Variants in CNTNAP5 observed in about 807,000 individuals in gnomAD.
CNTNAP5 encodes contactin associated protein family member 5.
A neutral mutation model predicts 150.2 loss-of-function variants in CNTNAP5; 72 were observed. The observed-to-expected ratio is 0.48, with a 90% confidence interval of 0.40 to 0.58. The LOEUF (loss-of-function observed/expected upper bound fraction) is 0.58. Among genes scored for constraint, CNTNAP5 ranks in the 20% least tolerant of loss-of-function variants. The probability of loss-of-function intolerance (pLI) is 0.00; values close to 1 mark genes in which losing one functional copy is unlikely to be tolerated. For synonymous variants in CNTNAP5, 672 were observed against 619.8 expected, an observed-to-expected ratio of 1.08 and a Z score of -1.25; for missense variants, 1,636 against 1,626.2, an observed-to-expected ratio of 1.01 and a Z score of -0.10.
intron 6 of CNTNAP5, among the ~76,000 whole-genome samples, chr2:124,453,714 T>C (rs990392318): frequency 3.9e-5 from 6 of 152,198 alleles, no homozygotes; most frequent in African/African-American, 1.2e-4. Flanking sequence ...CTAGAAGGGA[T>C]TGGGGCCTTA....
In CNTNAP5 at chr2:124,524,435, A is replaced by G; in HGVS notation, c.1460A>G (p.Asn487Ser). ...DSTWVQIYSG[N>S]SYYFGGCPDN... ...ACTTGGGTGCAGATTTATTCTGGAA[A>G]TAGCTACTATTTTGGAGGTAAATTC... is the stretch of plus-strand genomic sequence containing the variant. The change falls in exon 9 of 24, where the codon AAT (asparagine) becomes AGT (serine). Residue 487 changes from asparagine to serine, a missense_variant. Transcript: ENST00000682447. The G allele has an allele frequency of 6.2e-7, 1 of 1,612,440 alleles. No individual in the cohort carries two copies. Among genetic ancestry groups the G allele is most frequent in the South Asian group, 1.1e-5 (1 of 90,910 alleles).
chr2:124,523,951 C>T (rs918063178), intron 8 of CNTNAP5, among the ~76,000 whole-genome samples: 3 of 143,772 alleles, frequency 2.1e-5, no homozygotes, highest in African/African-American at 4.9e-5. Flanking sequence ...ATTTTGAGTT[C>T]GTTTATTTTT....
At chr2:124,789,587 G>C (rs76321928) in intron 17 of CNTNAP5, among the ~76,000 whole-genome samples, 5,012 of 152,082 alleles carry the variant, frequency 0.033, 273 homozygotes, top group African/African-American at 0.12. Context: ...CCCAGTGTCT[G>C]TTGCTCCCCT....
At chr2:124,327,212 C>T (rs1352692625) in intron 3 of CNTNAP5, among the ~76,000 whole-genome samples, 2 of 151,858 alleles carry the variant, frequency 1.3e-5, no homozygotes, top group African/African-American at 4.8e-5. Context: ...GATCTCCTGA[C>T]CTTGTGATCT....
chr2:124,590,968 C>T (rs1223017977), intron 11 of CNTNAP5, among the ~76,000 whole-genome samples: 1 of 152,088 alleles, frequency 6.6e-6, no homozygotes, highest in Non-Finnish European at 1.5e-5. Flanking sequence ...AAATTAGCTG[C>T]CAGAACTATA....
intron 21 of CNTNAP5, among the ~76,000 whole-genome samples, chr2:124,885,940 G>A (rs1438707979): frequency 6.6e-6 from 1 of 151,886 alleles, no homozygotes; most frequent in African/African-American, 2.4e-5. Flanking sequence ...GTGTATATAT[G>A]TATTTATTTA....
chr2:124,133,235 G>A (rs955651404), intron 1 of CNTNAP5, among the ~76,000 whole-genome samples: 24 of 151,856 alleles, frequency 1.6e-4, no homozygotes, highest in African/African-American at 5.6e-4. Context: ...TTTCCATTCC[G>A]CTCCATAGCT....
At chr2:124,632,070 G>A (rs1677872195) in intron 12 of CNTNAP5, among the ~76,000 whole-genome samples, 1 of 151,970 alleles carries the variant, frequency 6.6e-6, no homozygotes, top group Admixed American at 6.6e-5. Flanking sequence ...TGGCGAGGTT[G>A]CAGAGAAATA....
intron 1 of CNTNAP5, among the ~76,000 whole-genome samples, chr2:124,048,448 G>C (rs2104639913): frequency 6.6e-6 from 1 of 152,152 alleles, no homozygotes; most frequent in Middle Eastern, 3.4e-3. Context: ...AGTTTTATTG[G>C]TTTCTCCCAA....
intron 11 of CNTNAP5, among the ~76,000 whole-genome samples, chr2:124,582,987 A>T (rs1004254768): frequency 1.3e-5 from 2 of 152,228 alleles, no homozygotes; most frequent in Non-Finnish European, 2.9e-5. Flanking sequence ...TTCATAATTT[A>T]AAAAAGGCTT....
In CNTNAP5 at chr2:124,060,663, A is replaced by G. The variant is rs577875995; in HGVS notation, c.82+34931A>G. ...GTTTGGACCACATGGGAATACTTCT[A>G]AGCGTCTTTGCATTATTAGCAGAAC... On this transcript the variant is annotated intron_variant, in intron 1 of 23. Coordinates refer to ENST00000682447, the MANE Select transcript of CNTNAP5 (RefSeq NM_001367498.1). Among the ~76,000 whole-genome samples the G allele has an allele frequency of 4.6e-5, 7 of 152,318 alleles. No individual in the cohort carries two copies. In the South Asian group the frequency reaches 1.4e-3, roughly 32 times the overall value.
At chr2:124,321,833 T>C (rs1191075621) in intron 3 of CNTNAP5, among the ~76,000 whole-genome samples, 1 of 152,180 alleles carries the variant, frequency 6.6e-6, no homozygotes, top group Middle Eastern at 3.2e-3. Flanking sequence ...ATTCTAATTT[T>C]AAGGCTCTAA....
At chr2:124,747,912 C>T (rs905208439) in intron 14 of CNTNAP5, among the ~76,000 whole-genome samples, 4 of 145,644 alleles carry the variant, frequency 2.7e-5, no homozygotes, top group South Asian at 4.5e-4. Context: ...GCTGGGATTA[C>T]AGGCATGAGC....
At chr2:124,489,640 C>T (rs1366998343) in intron 7 of CNTNAP5, among the ~76,000 whole-genome samples, 1 of 152,120 alleles carries the variant, frequency 6.6e-6, no homozygotes, top group Non-Finnish European at 1.5e-5. Flanking sequence ...AACTCCACTT[C>T]CTAAAACAAA....
At chr2:124,448,509 G>C (rs1692885287) in intron 6 of CNTNAP5, among the ~76,000 whole-genome samples, 1 of 152,092 alleles carries the variant, frequency 6.6e-6, no homozygotes, top group Admixed American at 6.5e-5. Flanking sequence ...AAATCCCGTT[G>C]ACAGCTTGAA....
chr2:124,439,447 A>T (rs1384193122), intron 5 of CNTNAP5, among the ~76,000 whole-genome samples: 2 of 152,190 alleles, frequency 1.3e-5, no homozygotes, highest in Admixed American at 6.5e-5. Context: ...GCATCATCAA[A>T]ATCATATAAC....
chr2:124,844,653 GT>G (rs1683010960), intron 19 of CNTNAP5, among the ~76,000 whole-genome samples: 1 of 151,984 alleles, frequency 6.6e-6, no homozygotes, highest in African/African-American at 2.4e-5. Context: ...GTTTCCATTT[GT>G]TTCTGTTGTC....
rs536853824 is a variant in CNTNAP5, at chr2:124,648,006, G to C, written c.2077+48G>C. On this transcript the variant is annotated intron_variant, in intron 13 of 23. Transcript: ENST00000682447. Reference sequence around the variant, plus strand: ...CACAGTGGGATAGATGGGACCCTCAGACCTGGAGTATTAGGCAAAGGAAAA... The same window carrying C: ...CACAGTGGGATAGATGGGACCCTCACACCTGGAGTATTAGGCAAAGGAAAA... The C allele has an allele frequency of 7.9e-6, 12 of 1,521,786 alleles. No homozygotes were observed. The African/African-American group carries it at 1.2e-4, about 16-fold the overall frequency. 94.3% of individuals were successfully genotyped at this position (1,521,786 alleles called of 1,614,324 possible).
chr2:124,380,812 T>G (rs771500967), intron 3 of CNTNAP5, among the ~76,000 whole-genome samples: 2 of 152,164 alleles, frequency 1.3e-5, no homozygotes, highest in African/African-American at 2.4e-5. Flanking sequence ...CAAAACAGCC[T>G]GTGCCTTCAG....
Sources: allele counts gnomAD v4.1 joint callset (sites outside exome capture counted in the v4.1 genomes callset), GRCh38; gene constraint gnomAD v4.1.1; transcripts MANE v1.5; gene names NCBI Gene and HGNC (gene_info 2026-07-23, HGNC 2026-07-21).